The following RAB3IP variants were observed in gnomAD, a reference collection of about 807,000 sequenced individuals.
RAB3IP encodes the protein rab-3A-interacting protein.
A neutral mutation model predicts 59.1 loss-of-function variants in RAB3IP; 36 were observed. That is an observed-to-expected ratio of 0.61 (90% CI 0.47 to 0.80). The LOEUF (loss-of-function observed/expected upper bound fraction) is 0.80, where lower values mean the gene tolerates loss of function less well. RAB3IP is among the 30% of genes least tolerant of loss of function. RAB3IP has a pLI of 0.00. For missense variants in RAB3IP, 511 were observed against 536.0 expected (o/e 0.95, Z 0.46); for synonymous variants, 207 against 191.2 (o/e 1.08, Z -0.68).
intron 6 of RAB3IP, among the ~76,000 whole-genome samples, chr12:69,799,248 G>T (rs1306237209): frequency 2.0e-5 from 3 of 152,164 alleles, no homozygotes; most frequent in Non-Finnish European, 1.5e-5. Flanking sequence ...TATCCTAGAG[G>T]CAGTCTGTAG....
intron 3 of RAB3IP, among the ~76,000 whole-genome samples, chr12:69,759,978 G>A (rs1173762435): frequency 6.6e-6 from 1 of 150,508 alleles, no homozygotes; most frequent in Admixed American, 6.6e-5. Context: ...CAGACGGGGT[G>A]GCGGCCGGGC....
At position 69,755,321 on chromosome 12, in the gene RAB3IP, A is replaced by G. The variant is rs576732081; in HGVS notation, c.-25-63A>G. 18 of 1,331,514 alleles carry G rather than the reference A, an allele frequency of 1.4e-5. No homozygotes were observed. The African/African-American group carries it at 1.6e-4, about 12-fold the overall frequency. 82.5% of individuals were successfully genotyped at this position (1,331,514 alleles called of 1,614,324 possible). A position where few individuals can be genotyped will look rare whatever the true frequency, so the allele number is the denominator to read the frequency against. On this transcript the variant is annotated intron_variant, in intron 1 of 10. Coordinates refer to ENST00000247833, the MANE Select transcript of RAB3IP (RefSeq NM_022456.5). Reference sequence around the variant, plus strand: ...GTTAAACACATTTTATAATTTATGCATTTTAATTTAGTTTTAAATGTTATT... The same window carrying G: ...GTTAAACACATTTTATAATTTATGCGTTTTAATTTAGTTTTAAATGTTATT...
chr12:69,760,997 T>C (rs1298000129), intron 3 of RAB3IP, among the ~76,000 whole-genome samples: 1 of 152,140 alleles, frequency 6.6e-6, no homozygotes, highest in African/African-American at 2.4e-5. Context: ...CCATTCTTCC[T>C]CTCTCTCTCC....
chr12:69,806,893 G>T lies in RAB3IP; in HGVS notation c.1130+5172G>T, dbSNP rs1355093324. ...ACATGTTTCAGAGAGCACGGGGTTG[G>T]GGGTAAGGTTATAGATTAACAGCAT... On this transcript the variant is annotated intron_variant, in intron 8 of 10. Transcript: ENST00000247833. 2.0e-5 allele frequency among the ~76,000 whole-genome samples: 3 copies of T among 152,188 alleles called. No individual in the cohort carries two copies. In the East Asian group the frequency reaches 5.8e-4, roughly 29 times the overall value.
At chr12:69,797,500 T>TTTTTTTTTTTTTTA (rs1877669708) in intron 6 of RAB3IP, among the ~76,000 whole-genome samples, 1 of 125,602 alleles carries the variant, frequency 8.0e-6, no homozygotes, top group Non-Finnish European at 1.7e-5. Flanking sequence ...TTTTTTTTTT[T>TTTTTTTTTTTTTTA]AATAAATTTG....
At chr12:69,803,384 T>C (rs1272534240) in intron 8 of RAB3IP, among the ~76,000 whole-genome samples, 2 of 152,080 alleles carry the variant, frequency 1.3e-5, no homozygotes, top group Non-Finnish European at 2.9e-5. Flanking sequence ...AGATAATGAC[T>C]AAGTGAGTGG....
chr12:69,765,987 T>C (rs1238926137), intron 3 of RAB3IP, among the ~76,000 whole-genome samples: 1 of 152,246 alleles, frequency 6.6e-6, no homozygotes, highest in African/African-American at 2.4e-5. Flanking sequence ...TATCCTGGCT[T>C]GTAAGGTTTC....
chr12:69,747,291 TTCGTGTG>T lies in RAB3IP; in HGVS notation c.-25-8091_-25-8085del, dbSNP rs1169029394. 4.5e-5 allele frequency among the ~76,000 whole-genome samples: 6 copies of T among 132,740 alleles called. No homozygotes were observed. In the South Asian group the frequency reaches 7.5e-4, roughly 17 times the overall value. The allele number at this position is 132,740 out of a possible 152,430, so 87.1% of individuals were successfully genotyped here. A position where few individuals can be genotyped will look rare whatever the true frequency, so the allele number is the denominator to read the frequency against. Reference sequence around the variant, plus strand: ...AGGTACAGTTTTCTCCCCTTGCCCTTTCGTGTGTGTGTGTGTGTGTGTGTGTGTGTGT... The same window carrying T: ...AGGTACAGTTTTCTCCCCTTGCCCTTTGTGTGTGTGTGTGTGTGTGTGTGT... On this transcript the variant is annotated intron_variant, in intron 1 of 10. Coordinates refer to ENST00000247833, the MANE Select transcript of RAB3IP (RefSeq NM_022456.5).
At chr12:69,746,911 T>C (rs1014332892) in intron 1 of RAB3IP, among the ~76,000 whole-genome samples, 2 of 152,200 alleles carry the variant, frequency 1.3e-5, no homozygotes, top group African/African-American at 2.4e-5. Context: ...TGTGAATAAA[T>C]TGAAAGAGGA....
In RAB3IP at chr12:69,817,232, TAATA is replaced by T. The variant is rs1414177219; in HGVS notation, c.*1790_*1793del. ...TAAAGAAAATCAGTATACCCATTAATAATAAATCTTTAGTAATCTATAAGGGGAA... is the reference window on the plus strand; with the variant it reads ...TAAAGAAAATCAGTATACCCATTAATAATCTTTAGTAATCTATAAGGGGAA... On this transcript the variant is annotated 3_prime_UTR_variant, in exon 11 of 11. Transcript: ENST00000247833. The T allele has an allele frequency of 2.0e-5, 3 of 152,182 alleles. No individual in the cohort carries two copies. The highest frequency in any genetic ancestry group is 7.2e-5 in the African/African-American group (3 of 41,448). 9.4% of individuals were successfully genotyped at this position (152,182 alleles called of 1,614,324 possible). A position where few individuals can be genotyped will look rare whatever the true frequency, so the allele number is the denominator to read the frequency against.
chr12:69,775,428 G>A (rs1171064346), intron 3 of RAB3IP, among the ~76,000 whole-genome samples: 49 of 129,862 alleles, frequency 3.8e-4, no homozygotes, highest in African/African-American at 1.4e-3. Flanking sequence ...TGATTGCCCT[G>A]GCCAGAACTT....
At chr12:69,800,944 G>A (rs1355682339) in intron 7 of RAB3IP, among the ~76,000 whole-genome samples, 2 of 152,150 alleles carry the variant, frequency 1.3e-5, no homozygotes, top group Admixed American at 6.6e-5. Flanking sequence ...AGTCTTTCAA[G>A]CATTTAATTA....
At chr12:69,806,571 T>TTTTTTTTTTTTTTTTTTTTTTTTA in intron 8 of RAB3IP, among the ~76,000 whole-genome samples, 1 of 21,506 alleles carries the variant, frequency 4.6e-5, no homozygotes, top group Non-Finnish European at 1.1e-4. Context: ...GCTTCTCTAG[T>TTTTTTTTTTTTTTTTTTTTTTTTA]TTTTTTTTTT....
chr12:69,769,258 A>G (rs2136168690), intron 3 of RAB3IP, among the ~76,000 whole-genome samples: 1 of 152,352 alleles, frequency 6.6e-6, no homozygotes, highest in South Asian at 2.1e-4. Flanking sequence ...CAGATTAAAA[A>G]TGGCATTCTG....
At chr12:69,781,929 G>A (rs1218066139) in intron 3 of RAB3IP, among the ~76,000 whole-genome samples, 1 of 152,230 alleles carries the variant, frequency 6.6e-6, no homozygotes, top group Non-Finnish European at 1.5e-5. Flanking sequence ...AGTATGGTTA[G>A]CTTTGTAAGA....
intron 1 of RAB3IP, among the ~76,000 whole-genome samples, chr12:69,749,738 A>G (rs916572423): frequency 6.6e-6 from 1 of 152,072 alleles, no homozygotes; most frequent in Non-Finnish European, 1.5e-5. Context: ...TTTTTCGGGA[A>G]TCCTTTGTCT....
intron 8 of RAB3IP, among the ~76,000 whole-genome samples, chr12:69,804,592 T>A (rs1202409670): frequency 6.6e-6 from 1 of 152,232 alleles, no homozygotes; most frequent in Non-Finnish European, 1.5e-5. Flanking sequence ...CTGAATGGTA[T>A]TGCGTAGGTT....
intron 3 of RAB3IP, among the ~76,000 whole-genome samples, chr12:69,771,527 C>CAAA (rs34718968): frequency 1.5e-5 from 2 of 135,438 alleles, no homozygotes; most frequent in Non-Finnish European, 1.6e-5. Flanking sequence ...ACCCTGTCTC[C>CAAA]AAAAAAAAAA....
intron 1 of RAB3IP, among the ~76,000 whole-genome samples, chr12:69,753,145 T>C (rs1271930491): frequency 6.6e-6 from 1 of 152,216 alleles, no homozygotes; most frequent in Non-Finnish European, 1.5e-5. Context: ...GTTGTCTATA[T>C]GCTGGAAAGT....
Sources: allele counts gnomAD v4.1 joint callset (sites outside exome capture counted in the v4.1 genomes callset), GRCh38; gene constraint gnomAD v4.1.1; transcripts MANE v1.5; gene names NCBI Gene and HGNC (gene_info 2026-07-23, HGNC 2026-07-21).